The following BUB1 variants were observed in gnomAD, a reference collection of about 807,000 sequenced individuals.
The protein encoded by BUB1 is mitotic checkpoint serine/threonine-protein kinase BUB1.
A neutral mutation model predicts 135.2 loss-of-function variants in BUB1; 84 were observed. The ratio of observed to expected loss-of-function variants is 0.62; its 90% CI spans 0.52 to 0.74. The LOEUF (loss-of-function observed/expected upper bound fraction) is 0.74, where lower values mean the gene tolerates loss of function less well. Among genes scored for constraint, BUB1 ranks in the 30% least tolerant of loss-of-function variants. The pLI is 0.00. For missense variants in BUB1, 1,162 were observed against 1,288.3 expected (o/e 0.90, Z 1.50); for synonymous variants, 403 against 434.4 (o/e 0.93, Z 0.90).
chr2:110,667,493 A>G (rs1241475385), intron 8 of BUB1, 28 bp downstream of exon 8: 2 of 1,579,222 alleles, frequency 1.3e-6, no homozygotes, highest in South Asian at 2.3e-5. Flanking sequence ...TGACATAAGA[A>G]TAACTAAAAA....
chr2:110,658,308 CA>C, intron 13 of BUB1, 101 bp downstream of exon 13: 1 of 890,036 alleles, frequency 1.1e-6, no homozygotes, highest in South Asian at 1.8e-5. Flanking sequence ...CTTTATGTGA[CA>C]AGCTAATCAA....
In BUB1 at chr2:110,658,413, G is replaced by A; in HGVS notation, c.1513C>T (p.Gln505Ter). ...GTAGCTTTTAAATAGTTATTACTTT[G>A]AAACTGGGCTTCAAATGCATCTTCA... Reference protein sequence around the residue: ...QNEDAFEAQFQKNVRSSGAWG... With the variant: ...QNEDAFEAQF Residue 505 changes from glutamine to a stop codon, truncating the protein, a stop_gained, in exon 13 of 25, where the codon CAA becomes TAA. Transcript: ENST00000302759. LOFTEE classifies it high-confidence loss of function. The A allele has an allele frequency of 6.2e-7, 1 of 1,609,320 alleles. No homozygotes were observed. The highest frequency in any genetic ancestry group is 1.1e-5 in the South Asian group (1 of 90,648).
intron 9 of BUB1, among the ~76,000 whole-genome samples, chr2:110,664,289 T>C (rs1690182973): frequency 6.6e-6 from 1 of 152,044 alleles, no homozygotes; most frequent in African/African-American, 2.4e-5. Flanking sequence ...ACCAGATACA[T>C]CACTATGTCA....
intron 24 of BUB1, among the ~76,000 whole-genome samples, chr2:110,639,134 ACATT>A (rs776842783): frequency 4.6e-5 from 7 of 152,116 alleles, no homozygotes; most frequent in Non-Finnish European, 1.0e-4. Context: ...CTTAAACAAA[ACATT>A]CCAACAGTTT....
Position 110,639,720 on chromosome 2 carries a change from C to T in BUB1, c.3062+22G>A, listed in dbSNP as rs139042805. The T allele has an allele frequency of 4.2e-4, 634 of 1,527,370 alleles. 4 individuals are homozygous for T. In the African/African-American group the frequency reaches 5.1e-3, roughly 12 times the overall value. The allele number at this position is 1,527,370 out of a possible 1,614,324, so 94.6% of individuals were successfully genotyped here. On this transcript the variant is annotated intron_variant, in intron 24 of 24. Coordinates refer to ENST00000302759, the MANE Select transcript of BUB1 (RefSeq NM_004336.5). ...TACTTTAGTTATTCTCTTTTCACTA[C>T]AGCACCAATGCTAATACTCACCTTC...
chr2:110,641,552 C>T, intron 21 of BUB1, 88 bp from the exon 22 acceptor site: 1 of 1,553,816 alleles, frequency 6.4e-7, no homozygotes, highest in East Asian at 2.2e-5. Context: ...CCCACCACTC[C>T]ACAAAAGCCC....
rs759188718 is a variant in BUB1 at position 110,661,651 on chromosome 2, G to A, written c.1148C>T (p.Ala383Val). 4.3e-6 allele frequency: 7 copies of A among 1,614,084 alleles called. No homozygotes were observed. The highest frequency in any genetic ancestry group is 1.7e-5 in the Admixed American group (1 of 60,014). ...LVSPATSQSI[A>V]PPVPLKAQTV... is the part of the protein sequence containing the mutation. ...CTGGGCTTTCAAAGGAACAGGAGGAGCAATGCTCTGGCTGGTGGCTGGGGA... is the reference window on the plus strand; with the variant it reads ...CTGGGCTTTCAAAGGAACAGGAGGAACAATGCTCTGGCTGGTGGCTGGGGA... Residue 383 changes from alanine (A) to valine (V), a missense_variant, in exon 10 of 25, where the codon GCT becomes GTT. Coordinates refer to ENST00000302759, the MANE Select transcript of BUB1 (RefSeq NM_004336.5).
rs765636832 is a variant in BUB1 at position 110,638,013 on chromosome 2, C to T, written c.3209G>A (p.Arg1070His). The change falls in exon 25 of 25, where the codon CGT (arginine) becomes CAT (histidine). Residue 1070 changes from arginine (R) to histidine (H), a missense_variant. Arg to His is a conservative substitution (Grantham distance 29, BLOSUM62 0). Coordinates refer to ENST00000302759, the MANE Select transcript of BUB1 (RefSeq NM_004336.5). ...TAAGAGCAGTACAATTAGCCTATTACGTAGGGCCCTAATCTTGTTAGTATA... is the reference window on the plus strand; with the variant it reads ...TAAGAGCAGTACAATTAGCCTATTATGTAGGGCCCTAATCTTGTTAGTATA... Reference protein sequence around the residue: ...QHYTNKIRALRNRLIVLLLEC... With the variant: ...QHYTNKIRALHNRLIVLLLEC... The T allele has an allele frequency of 4.4e-6, 7 of 1,594,118 alleles. No individual in the cohort carries two copies. The Middle Eastern group carries it at 5.1e-4, about 117-fold the overall frequency.
intron 21 of BUB1, 55 bp from the exon 22 acceptor site, chr2:110,641,519 T>C: frequency 6.4e-7 from 1 of 1,565,656 alleles, no homozygotes; most frequent in Non-Finnish European, 8.6e-7. Flanking sequence ...TAATAAAATT[T>C]CAAATTGAGA....
chr2:110,662,277 T>C (rs1690121866), intron 9 of BUB1, among the ~76,000 whole-genome samples: 2 of 152,154 alleles, frequency 1.3e-5, no homozygotes, highest in African/African-American at 4.8e-5. Flanking sequence ...ATAAATAAAA[T>C]ACTTTTCATA....
In BUB1 at chr2:110,658,751, G is replaced by C; in HGVS notation, c.1277-9C>G. ...CTTATGTGTTTCACACCCTAGCAAAGAAATGGAGACAAAATGTGGTATCAG... is the reference window on the plus strand; with the variant it reads ...CTTATGTGTTTCACACCCTAGCAAACAAATGGAGACAAAATGTGGTATCAG... On this transcript the variant is annotated splice_polypyrimidine_tract_variant and intron_variant, in intron 11 of 24. Coordinates refer to ENST00000302759, the MANE Select transcript of BUB1 (RefSeq NM_004336.5). The C allele has an allele frequency of 6.2e-7, 1 of 1,613,888 alleles. No individual in the cohort carries two copies. The highest frequency in any genetic ancestry group is 1.3e-5 in the African/African-American group (1 of 75,020).
chr2:110,676,333 A>C (rs1353337419), intron 1 of BUB1, among the ~76,000 whole-genome samples: 2 of 152,228 alleles, frequency 1.3e-5, no homozygotes, highest in African/African-American at 4.8e-5. Context: ...TGGCAAAACT[A>C]AAAAACATGT....
At chr2:110,642,720 G>A (rs1689537749) in intron 19 of BUB1, 1 of 152,596 alleles carries the variant, frequency 6.6e-6, no homozygotes, top group African/African-American at 2.4e-5. Flanking sequence ...TAGAGACAGG[G>A]TCTTGCTGTT....
chr2:110,641,873 C>T, intron 20 of BUB1, 70 bp from the exon 21 acceptor site: 1 of 1,481,996 alleles, frequency 6.7e-7, no homozygotes, highest in Non-Finnish European at 9.1e-7. Flanking sequence ...AAAGCAACCT[C>T]TATCCCAATA....
chr2:110,662,792 C>A (rs986984475), intron 9 of BUB1, among the ~76,000 whole-genome samples: 1 of 151,668 alleles, frequency 6.6e-6, no homozygotes, highest in Admixed American at 6.6e-5. Flanking sequence ...ACAGAGTGAG[C>A]CCCTGCCTCA....
intron 3 of BUB1, among the ~76,000 whole-genome samples, chr2:110,673,563 T>A (rs758276706): frequency 2.0e-5 from 3 of 151,226 alleles, no homozygotes; most frequent in Non-Finnish European, 4.4e-5. Flanking sequence ...TGGTTGCTGG[T>A]AGAGAGAAGT....
intron 1 of BUB1, among the ~76,000 whole-genome samples, chr2:110,674,666 T>C (rs953893082): frequency 1.3e-5 from 2 of 152,208 alleles, no homozygotes; most frequent in African/African-American, 4.8e-5. Context: ...GGAACCCCAA[T>C]GTCACTACCA....
In BUB1 at chr2:110,653,534, C is replaced by A. The variant is rs375614458; in HGVS notation, c.1877-11G>T. The A allele has an allele frequency of 1.1e-5, 18 of 1,610,950 alleles. No individual in the cohort carries two copies. The East Asian group carries it at 1.3e-4, about 12-fold the overall frequency. On this transcript the variant is annotated splice_polypyrimidine_tract_variant and intron_variant, in intron 16 of 24. Transcript: ENST00000302759. ...TTGCTACCACATTTTCTGAAAGATT[C>A]AAAAATTAGAGACAAGATATGTTAG... is the stretch of plus-strand genomic sequence containing the variant.
At position 110,639,846 on chromosome 2, in the gene BUB1, G is replaced by C. The variant is rs148368189; in HGVS notation, c.2958C>G (p.Ile986Met). The C allele has an allele frequency of 2.5e-6, 4 of 1,609,766 alleles. No homozygotes were observed. In the South Asian group the frequency reaches 4.4e-5, roughly 18 times the overall value. Residue 986 changes from isoleucine (I) to methionine (M), a missense_variant and splice_region_variant, in exon 24 of 25, where the codon ATC (isoleucine) becomes ATG (methionine). Ile to Met is a conservative substitution (Grantham distance 10, BLOSUM62 1). Transcript: ENST00000302759. The part of the protein sequence containing the change: ...MLSNKPWNYQ[I>M]DYFGVAATVY... ...CTGTTGCAGCAACCCCAAAGTAATC[G>C]ATCTATGAAGAAGATAGAGGTATAT...
Sources: allele counts gnomAD v4.1 joint callset (sites outside exome capture counted in the v4.1 genomes callset), GRCh38; gene constraint gnomAD v4.1.1; transcripts MANE v1.5; gene names NCBI Gene and HGNC (gene_info 2026-07-23, HGNC 2026-07-21).